AS3MT: variants seen among roughly 807,000 people sequenced by gnomAD.
AS3MT encodes the protein S-adenosyl-L-methionine:arsenic(III) methyltransferase.
In AS3MT, 47 loss-of-function variants were observed where a neutral mutation model predicts 45.3. The ratio of observed to expected loss-of-function variants is 1.04; its 90% CI spans 0.82 to 1.32. The LOEUF is 1.32. Among genes scored for constraint, AS3MT ranks in the 40% most tolerant of loss-of-function variants. AS3MT has a pLI of 0.00. For synonymous variants in AS3MT, 141 were observed against 152.8 expected, an observed-to-expected ratio of 0.92 and a Z score of 0.57; for missense variants, 396 against 451.1, an observed-to-expected ratio of 0.88 and a Z score of 1.11.
chr10:102,892,912 G>A (rs1042568499), intron 10 of AS3MT, among the ~76,000 whole-genome samples: 15 of 151,738 alleles, frequency 9.9e-5, no homozygotes, highest in Admixed American at 1.3e-4. Flanking sequence ...CCCGGGAGGC[G>A]GAGGTTGCAA....
chr10:102,888,866 TATATATATATATATA>T (rs1564794446), intron 9 of AS3MT, among the ~76,000 whole-genome samples: 3 of 90,206 alleles, frequency 3.3e-5, no homozygotes, highest in Non-Finnish European at 6.7e-5. Context: ...TATATATATA[TATATATATATATATA>T]TTTTTTTTTT....
In AS3MT at chr10:102,873,293, A is replaced by ATTG. The variant is rs1335802709; in HGVS notation, c.458+62_458+63insGTT. On this transcript the variant is annotated intron_variant, in intron 5 of 10. Coordinates refer to ENST00000369880, the MANE Select transcript of AS3MT (RefSeq NM_020682.4). ...CATTTTCTTTATTATTATTATTATT[A>ATTG]TTATTGAGATGGACTCTCGCTCTGT... is the stretch of plus-strand genomic sequence containing the variant. 3.1e-6 allele frequency: 4 copies of ATTG among 1,287,474 alleles called. No homozygotes were observed. In the African/African-American group the frequency reaches 4.7e-5, roughly 15 times the overall value. The allele number at this position is 1,287,474 out of a possible 1,614,324, so 79.8% of individuals were successfully genotyped here. A position where few individuals can be genotyped will look rare whatever the true frequency, so the allele number is the denominator to read the frequency against.
At chr10:102,875,334 G>T (rs1459711947) in intron 6 of AS3MT, among the ~76,000 whole-genome samples, 1 of 151,898 alleles carries the variant, frequency 6.6e-6, no homozygotes, top group Non-Finnish European at 1.5e-5. Flanking sequence ...AAAATTAGCT[G>T]GGTGTGGTGG....
At chr10:102,898,416 T>G (rs1363812051) in intron 10 of AS3MT, among the ~76,000 whole-genome samples, 9 of 151,892 alleles carry the variant, frequency 5.9e-5, no homozygotes, top group African/African-American at 2.2e-4. Flanking sequence ...TCTAACATGG[T>G]GAAACCCCCT....
intron 6 of AS3MT, among the ~76,000 whole-genome samples, chr10:102,875,019 T>C (rs1233851276): frequency 1.1e-4 from 17 of 152,220 alleles, no homozygotes; most frequent in Admixed American, 1.1e-3. Context: ...TCTTCTAGCA[T>C]GTACAGTGTT....
In AS3MT at chr10:102,878,840, T is replaced by C; in HGVS notation, c.743-9T>C. The stretch of plus-strand genomic sequence containing the variant: ...CTGGAGATGAACCGTGAATAAATTC[T>C]ATTTTTAGGTGACTGTCGTTTTGTT... On this transcript the variant is annotated splice_polypyrimidine_tract_variant and intron_variant, in intron 8 of 10. Coordinates refer to ENST00000369880, the MANE Select transcript of AS3MT (RefSeq NM_020682.4). 2.5e-6 allele frequency: 4 copies of C among 1,610,562 alleles called. No homozygotes were observed. The highest frequency in any genetic ancestry group is 3.4e-6 in the Non-Finnish European group (4 of 1,178,694).
In AS3MT at chr10:102,885,356, TCTTACTCTGTCTCC is replaced by T. The variant is rs1844932048; in HGVS notation, c.886-5186_886-5173del. Among the ~76,000 whole-genome samples, 3 of 151,708 alleles carry T rather than the reference TCTTACTCTGTCTCC, an allele frequency of 2.0e-5. No individual in the cohort carries two copies. In the South Asian group the frequency reaches 6.3e-4, roughly 32 times the overall value. On this transcript the variant is annotated intron_variant, in intron 9 of 10. Coordinates refer to ENST00000369880, the MANE Select transcript of AS3MT (RefSeq NM_020682.4). ...TTTATTTTATTTTTTTGAGACAGAG[TCTTACTCTGTCTCC>T]CAGGTTGGAGTGCAGTGGCGTGATC...
At chr10:102,873,430 G>A (rs1007008009) in intron 5 of AS3MT, among the ~76,000 whole-genome samples, 197 bp downstream of exon 5, 4 of 152,018 alleles carry the variant, frequency 2.6e-5, no homozygotes, top group African/African-American at 7.2e-5. Flanking sequence ...ATAGGCACAC[G>A]CTACCACATC....
chr10:102,869,910 C>T (rs1222155347), intron 2 of AS3MT, 65 bp downstream of exon 2: 9 of 1,600,212 alleles, frequency 5.6e-6, no homozygotes, highest in South Asian at 3.3e-5. Context: ...TGGCCTGGCC[C>T]GCACCCTGTC....
intron 5 of AS3MT, 57 bp downstream of exon 5, chr10:102,873,290 A>G: frequency 7.7e-7 from 1 of 1,303,588 alleles, no homozygotes; most frequent in Non-Finnish European, 1.0e-6. Context: ...TATTATTATT[A>G]TTATTATTGA....
chr10:102,879,106 T>C, intron 9 of AS3MT, 115 bp downstream of exon 9: 2 of 1,208,418 alleles, frequency 1.7e-6, no homozygotes, highest in South Asian at 1.5e-5. Flanking sequence ...TTTGTTTGTG[T>C]GTGTGTTTAA....
chr10:102,888,881 A>ATATATTTTTTT (rs1491503446), intron 9 of AS3MT, among the ~76,000 whole-genome samples: 6 of 52,522 alleles, frequency 1.1e-4, no homozygotes, highest in Admixed American at 5.9e-4. Flanking sequence ...ATATATATAT[A>ATATATTTTTTT]TTTTTTTTTT....
At position 102,890,363 on chromosome 10, in the gene AS3MT, T is replaced by A. The variant is rs1009734360; in HGVS notation, c.886-181T>A. On this transcript the variant is annotated intron_variant, in intron 9 of 10. Transcript: ENST00000369880. ...CTGGGTCATATAGTAGTTCTATTTT[T>A]AATTTTTTGAGGAATCTCCATACTG... Among the ~76,000 whole-genome samples the A allele has an allele frequency of 3.3e-5, 5 of 152,142 alleles. No individual in the cohort carries two copies. In the East Asian group the frequency reaches 9.6e-4, roughly 29 times the overall value.
At chr10:102,891,775 C>A (rs566200126) in intron 10 of AS3MT, among the ~76,000 whole-genome samples, 2 of 151,744 alleles carry the variant, frequency 1.3e-5, no homozygotes, top group Non-Finnish European at 2.9e-5. Context: ...TGTTGAAACC[C>A]TGTCTCTACC....
intron 9 of AS3MT, among the ~76,000 whole-genome samples, chr10:102,883,267 A>C (rs1313392229): frequency 1.3e-5 from 2 of 150,718 alleles, no homozygotes; most frequent in Non-Finnish European, 3.0e-5. Flanking sequence ...CACCTGGCTA[A>C]TTTTTGCATT....
Position 102,878,970 on chromosome 10 carries a change from TG to T in AS3MT, c.865del (p.Asp289MetfsTer22), listed in dbSNP as rs1349362007. Reference protein sequence around the residue: ...ITGHEKELMFDANFTFKEGEI... With the variant: ...ITGHEKELMFXANFTFKEGEI... ...CAGGACATGAAAAAGAACTAATGTT[TG>T]ATGCCAATTTTACATTTAAGGTAAA... is the stretch of plus-strand genomic sequence containing the variant. On this transcript the variant is annotated frameshift_variant, in exon 9 of 11. Transcript: ENST00000369880. LOFTEE classifies it high-confidence loss of function. 6.2e-7 allele frequency: 1 copy of T among 1,612,018 alleles called. No individual in the cohort carries two copies. Among genetic ancestry groups the T allele is most frequent in the East Asian group, 2.2e-5 (1 of 44,850 alleles).
intron 5 of AS3MT, 73 bp from the exon 6 acceptor site, chr10:102,874,519 T>C: frequency 1.8e-6 from 2 of 1,136,472 alleles, no homozygotes; most frequent in Non-Finnish European, 1.3e-6. Context: ...GAACCACCTT[T>C]AGGGTCTGAA....
intron 9 of AS3MT, among the ~76,000 whole-genome samples, chr10:102,889,349 GTTTGCCTTAT>G (rs1564794713): frequency 6.6e-6 from 1 of 151,796 alleles, no homozygotes; most frequent in East Asian, 1.9e-4. Flanking sequence ...GTCTTTCTGT[GTTTGCCTTAT>G]TTCTCTTAAC....
At chr10:102,879,931 A>T (rs955958783) in intron 9 of AS3MT, among the ~76,000 whole-genome samples, 1 of 152,032 alleles carries the variant, frequency 6.6e-6, no homozygotes, top group African/African-American at 2.4e-5. Context: ...GAGCCATTGA[A>T]AATAAGTTGC....
Sources: gnomAD v4.1 joint callset for allele counts (sites outside exome capture counted in the v4.1 genomes callset) on GRCh38, gnomAD v4.1.1 for gene constraint, MANE v1.5 for transcripts, NCBI Gene and HGNC (gene_info 2026-07-23, HGNC 2026-07-21) for gene names.